The following NRG1 variants were observed in gnomAD, a reference collection of about 807,000 sequenced individuals.
The protein encoded by NRG1 is neuregulin 1, also known as pro-neuregulin-1, membrane-bound isoform.
A neutral mutation model predicts 63.8 loss-of-function variants in NRG1; 18 were observed. The observed-to-expected ratio is 0.28, with a 90% CI of 0.19 to 0.42. The LOEUF is 0.42. Among genes scored for constraint, NRG1 ranks in the 10% least tolerant of loss-of-function variants. The probability of loss-of-function intolerance (pLI) is 1.00; values close to 1 mark genes in which losing one functional copy is unlikely to be tolerated. For synonymous variants in NRG1, 302 were observed against 301.3 expected (o/e 1.00, Z -0.02); for missense variants, 762 against 814.7 (o/e 0.94, Z 0.79).
chr8:31,728,602 C>G (rs768971098), intron 1 of NRG1, among the ~76,000 whole-genome samples: 2 of 152,090 alleles, frequency 1.3e-5, no homozygotes, highest in Non-Finnish European at 2.9e-5. Context: ...TGTATGAAAG[C>G]TGGTGTGTTA....
At chr8:32,062,686 T>G (rs1476445305) in intron 1 of NRG1, among the ~76,000 whole-genome samples, 1 of 152,136 alleles carries the variant, frequency 6.6e-6, no homozygotes, top group East Asian at 1.9e-4. Flanking sequence ...CAGAATGTTT[T>G]TCTAAATGAT....
chr8:31,948,203 ATTTTCATT>A, intron 1 of NRG1, among the ~76,000 whole-genome samples: 1 of 151,948 alleles, frequency 6.6e-6, no homozygotes, highest in East Asian at 1.9e-4. Context: ...TTTTGTTAGC[ATTTTCATT>A]TTTCTTGAGT....
At chr8:32,731,699 CA>C (rs1276913429) in intron 6 of NRG1, among the ~76,000 whole-genome samples, 5 of 152,118 alleles carry the variant, frequency 3.3e-5, no homozygotes, top group Admixed American at 2.0e-4. Flanking sequence ...AGAATTTAAA[CA>C]AAGACATAAT....
At chr8:32,198,204 A>G (rs1028988841) in intron 1 of NRG1, among the ~76,000 whole-genome samples, 2 of 152,104 alleles carry the variant, frequency 1.3e-5, no homozygotes, top group Non-Finnish European at 2.9e-5. Flanking sequence ...GTGAGGCAGA[A>G]TATCACCCTG....
Position 32,180,044 on chromosome 8 carries a change from T to C in NRG1, c.38-415784T>C, listed in dbSNP as rs183702927. On this transcript the variant is annotated intron_variant, in intron 1 of 10. Coordinates refer to the NRG1 transcript ENST00000519301. ...GAGCATATATTTTGTTTTGAGTCTTTTCTTACTCTTTTATTTGTTAATACT... is the reference window on the plus strand; with the variant it reads ...GAGCATATATTTTGTTTTGAGTCTTCTCTTACTCTTTTATTTGTTAATACT... 1.2e-3 allele frequency among the ~76,000 whole-genome samples: 188 copies of C among 152,326 alleles called. 1 individual carries two copies. Among genetic ancestry groups the C allele is most frequent in the Non-Finnish European group, 1.4e-3 (96 of 68,016 alleles).
At chr8:32,642,256 C>G (rs1588921097) in intron 5 of NRG1, among the ~76,000 whole-genome samples, 1 of 152,194 alleles carries the variant, frequency 6.6e-6, no homozygotes, top group Admixed American at 6.5e-5. Context: ...TAAAACCAAA[C>G]AAAATGTATG....
chr8:32,104,943 A>G lies in NRG1; in HGVS notation c.37+465512A>G, dbSNP rs76165058. On this transcript the variant is annotated intron_variant, in intron 1 of 10. Transcript: ENST00000519301. ...TTTAATAAAAAATACATGTAGAAGCAGTACACTCTAAAATAACAATAAAAG... is the reference window on the plus strand; with the variant it reads ...TTTAATAAAAAATACATGTAGAAGCGGTACACTCTAAAATAACAATAAAAG... 7.8e-3 allele frequency among the ~76,000 whole-genome samples: 1,185 copies of G among 152,236 alleles called. 30 individuals are homozygous for G. Among genetic ancestry groups the G allele is most frequent in the African/African-American group, 0.027 (1,132 of 41,528 alleles).
chr8:32,647,379 T>TGACAAACCTTTCAGTTTG, intron 5 of NRG1: 11 of 985,398 alleles, frequency 1.1e-5, no homozygotes, highest in Non-Finnish European at 1.3e-5. Flanking sequence ...TTTGGGCTAC[T>TGACAAACCTTTCAGTTTG]GGTTTACTTA....
chr8:31,649,201 T>A (rs779641446), intron 1 of NRG1, among the ~76,000 whole-genome samples: 2 of 152,176 alleles, frequency 1.3e-5, no homozygotes, highest in African/African-American at 2.4e-5. Flanking sequence ...GTGATCCGCC[T>A]GCCTCGGCCT....
At chr8:32,546,407 A>G (rs184734279), upstream of NRG1, among the ~76,000 whole-genome samples, 329 of 152,230 alleles carry the variant, frequency 2.2e-3, 2 homozygotes, top group Non-Finnish European at 3.8e-4. Context: ...ATGTTAGAGA[A>G]TATGTGGTAG....
At chr8:32,753,407 G>T (rs558382254) in intron 7 of NRG1, among the ~76,000 whole-genome samples, 1 of 152,168 alleles carries the variant, frequency 6.6e-6, no homozygotes, top group African/African-American at 2.4e-5. Flanking sequence ...GAGACTGATC[G>T]CATTTTGGGT....
In NRG1 at chr8:32,424,841, G is replaced by C. The variant is rs147736575; in HGVS notation, c.38-170987G>C. Among the ~76,000 whole-genome samples the C allele has an allele frequency of 8.5e-3, 1,300 of 152,172 alleles. 18 individuals are homozygous for C. The highest frequency in any genetic ancestry group is 0.026 in the African/African-American group (1,060 of 41,502). On this transcript the variant is annotated intron_variant, in intron 1 of 10. Transcript: ENST00000519301. Reference sequence around the variant, plus strand: ...TGCCACTGCACTCCAGCCTGGGTGAGAGTGAGATCCTCTGTTAAAACAAAA... The same window carrying C: ...TGCCACTGCACTCCAGCCTGGGTGACAGTGAGATCCTCTGTTAAAACAAAA...
At chr8:31,807,832 T>C (rs1311531369) in intron 1 of NRG1, among the ~76,000 whole-genome samples, 1 of 152,178 alleles carries the variant, frequency 6.6e-6, no homozygotes, top group Non-Finnish European at 1.5e-5. Flanking sequence ...AGTAGAATTA[T>C]GCAGTATTTG....
At chr8:32,589,282 T>C (rs1363964579) in intron 1 of NRG1, among the ~76,000 whole-genome samples, 2 of 152,138 alleles carry the variant, frequency 1.3e-5, no homozygotes, top group Middle Eastern at 3.2e-3. Flanking sequence ...GAGAGAGAAA[T>C]ATGACTGGGG....
chr8:31,791,397 T>C lies in NRG1; in HGVS notation c.37+151966T>C, dbSNP rs573122764. On this transcript the variant is annotated intron_variant, in intron 1 of 10. Transcript: ENST00000519301. ...ATCACTATCAGTAATTATTCATTAGTACTGTCTGCTATATTAACACCATAG... is the reference window on the plus strand; with the variant it reads ...ATCACTATCAGTAATTATTCATTAGCACTGTCTGCTATATTAACACCATAG... 7.2e-5 allele frequency among the ~76,000 whole-genome samples: 11 copies of C among 152,278 alleles called. No homozygotes were observed. The East Asian group carries it at 2.1e-3, about 29-fold the overall frequency.
intron 1 of NRG1, among the ~76,000 whole-genome samples, chr8:31,983,228 A>T (rs139891458): frequency 6.6e-6 from 1 of 152,074 alleles, no homozygotes; most frequent in Non-Finnish European, 1.5e-5. Context: ...CACTCATCCA[A>T]TTTCTCACAT....
chr8:32,431,788 G>T (rs538150569), intron 1 of NRG1, among the ~76,000 whole-genome samples: 71 of 151,676 alleles, frequency 4.7e-4, no homozygotes, highest in Non-Finnish European at 9.0e-4. Context: ...TTTTAATTTA[G>T]AAACAACAGC....
chr8:32,446,177 T>C (rs1820220328), intron 1 of NRG1, among the ~76,000 whole-genome samples: 1 of 152,224 alleles, frequency 6.6e-6, no homozygotes, highest in African/African-American at 2.4e-5. Flanking sequence ...AGACCGAATC[T>C]GATCTGAAAT....
intron 1 of NRG1, among the ~76,000 whole-genome samples, chr8:31,762,558 C>T (rs1817663473): frequency 6.6e-6 from 1 of 152,242 alleles, no homozygotes; most frequent in Admixed American, 6.5e-5. Flanking sequence ...TGTATATATA[C>T]CCAGTAATGG....
Sources: allele counts gnomAD v4.1 joint callset (sites outside exome capture counted in the v4.1 genomes callset), GRCh38; gene constraint gnomAD v4.1.1; transcripts MANE v1.5; gene names NCBI Gene and HGNC (gene_info 2026-07-23, HGNC 2026-07-21).